Variants in LARGE1 observed in about 807,000 individuals in gnomAD.
LARGE1 encodes LARGE xylosyl- and glucuronyltransferase 1, also known as xylosyl- and glucuronyltransferase LARGE1.
In LARGE1, 43 loss-of-function variants were observed where a neutral mutation model predicts 87.6. The ratio of observed to expected loss-of-function variants is 0.49; its 90% confidence interval spans 0.38 to 0.63. The LOEUF is 0.63. LARGE1 is among the 30% of genes least tolerant of loss of function. The probability of loss-of-function intolerance (pLI) is 0.00; values close to 1 mark genes in which losing one functional copy is unlikely to be tolerated. For missense variants in LARGE1, 802 were observed against 1,000.2 expected, an observed-to-expected ratio of 0.80 and a Z score of 2.67; for synonymous variants, 434 against 394.6, an observed-to-expected ratio of 1.10 and a Z score of -1.18.
At chr22:33,356,683 T>C (rs1195831118) in intron 9 of LARGE1, among the ~76,000 whole-genome samples, 1 of 152,014 alleles carries the variant, frequency 6.6e-6, no homozygotes, top group Non-Finnish European at 1.5e-5. Context: ...GGCAGGAGAA[T>C]TGCTTGAACC....
intron 12 of LARGE1, 52 bp from the exon 13 acceptor site, chr22:33,283,400 G>C: frequency 6.2e-7 from 1 of 1,606,810 alleles, no homozygotes; most frequent in Non-Finnish European, 8.5e-7. Context: ...ACCAGGCCAA[G>C]GTCTTTCCCC....
rs137908695 is a variant in LARGE1, at chr22:33,754,051, G to T, written c.106+7320C>A. Among the ~76,000 whole-genome samples the T allele has an allele frequency of 5.9e-3, 903 of 152,138 alleles. 9 individuals carry two copies. Among genetic ancestry groups the T allele is most frequent in the African/African-American group, 0.02 (824 of 41,516 alleles). ...CACTCCATCCTGGGCAATAGAGCAA[G>T]ACTCCATCTTAAAAAAAAGTAAAAG... On this transcript the variant is annotated intron_variant, in intron 2 of 14. Coordinates refer to ENST00000397394, the MANE Select transcript of LARGE1 (RefSeq NM_133642.5).
chr22:33,450,175 G>A (rs1729180112), intron 6 of LARGE1, among the ~76,000 whole-genome samples: 1 of 151,888 alleles, frequency 6.6e-6, no homozygotes, highest in African/African-American at 2.4e-5. Flanking sequence ...ACCTCCCAAA[G>A]TGCTGGGATT....
chr22:33,096,947 T>C, the LARGE1 span, among the ~76,000 whole-genome samples: 14 of 152,352 alleles, frequency 9.2e-5, no homozygotes, highest in African/African-American at 3.4e-4. Context: ...CTGCAGAGGA[T>C]TGGCTGTAGT....
intron 11 of LARGE1, among the ~76,000 whole-genome samples, chr22:33,182,343 T>C (rs1160406682): frequency 1.3e-5 from 2 of 152,194 alleles, no homozygotes; most frequent in Non-Finnish European, 2.9e-5. Flanking sequence ...TCAAAACTTT[T>C]TGCTCTTTTA....
At chr22:33,458,799 G>C (rs930657976) in intron 6 of LARGE1, among the ~76,000 whole-genome samples, 7 of 152,224 alleles carry the variant, frequency 4.6e-5, no homozygotes, top group East Asian at 3.9e-4. Flanking sequence ...CATAAGTCTG[G>C]TCTTGACTTG....
At chr22:33,232,042 A>G (rs1299295853) in intron 11 of LARGE1, among the ~76,000 whole-genome samples, 1 of 152,198 alleles carries the variant, frequency 6.6e-6, no homozygotes. Context: ...CTTGCTAACC[A>G]TTCACAGCCA....
intron 11 of LARGE1, among the ~76,000 whole-genome samples, chr22:33,262,983 T>C (rs1165345129): frequency 6.6e-6 from 1 of 151,562 alleles, no homozygotes; most frequent in East Asian, 2.0e-4. Context: ...ACCTCCATCT[T>C]GGGGGTTCAA....
chr22:33,086,073 C>T, the LARGE1 span, among the ~76,000 whole-genome samples: 4 of 152,036 alleles, frequency 2.6e-5, no homozygotes, highest in Non-Finnish European at 4.4e-5. Context: ...GCACATGAGG[C>T]CTTTCACAGA....
intron 9 of LARGE1, among the ~76,000 whole-genome samples, chr22:33,359,939 T>C (rs2064323341): frequency 6.7e-6 from 1 of 149,550 alleles, no homozygotes; most frequent in African/African-American, 2.5e-5. Context: ...TCCTTGTCTA[T>C]AAGGAACATC....
intron 1 of LARGE1, among the ~76,000 whole-genome samples, chr22:33,784,567 T>C (rs73170587): frequency 0.022 from 3,273 of 152,222 alleles, 59 homozygotes; most frequent in Middle Eastern, 0.048. Flanking sequence ...TTTAAACCAG[T>C]TCAGAGTTTA....
At chr22:33,241,656 A>G (rs540842510) in intron 11 of LARGE1, among the ~76,000 whole-genome samples, 1 of 151,890 alleles carries the variant, frequency 6.6e-6, no homozygotes, top group South Asian at 2.1e-4. Flanking sequence ...GTGTGTGTAT[A>G]TGTGTGTGTG....
In LARGE1 at chr22:33,523,661, T is replaced by C. The variant is rs576418012; in HGVS notation, c.787+41187A>G. ...GCTTAATGCTATGCCATTATCTGCA[T>C]TGTCCATCATATCATTTCTTTTTTT... On this transcript the variant is annotated intron_variant, in intron 6 of 14. Coordinates refer to ENST00000397394, the MANE Select transcript of LARGE1 (RefSeq NM_133642.5). Among the ~76,000 whole-genome samples the C allele has an allele frequency of 3.4e-5, 5 of 148,806 alleles. No homozygotes were observed. In the East Asian group the frequency reaches 5.9e-4, roughly 18 times the overall value.
At position 33,714,643 on chromosome 22, in the gene LARGE1, A is replaced by G. The variant is rs76378212; in HGVS notation, c.106+46728T>C. On this transcript the variant is annotated intron_variant, in intron 2 of 14. Coordinates refer to ENST00000397394, the MANE Select transcript of LARGE1 (RefSeq NM_133642.5). ...AGGATAATCTTCACTGCTCAGGTAA[A>G]ACTGACTGTGGCATGGTCCTATGTT... is the stretch of plus-strand genomic sequence containing the variant. 5.3e-3 allele frequency among the ~76,000 whole-genome samples: 806 copies of G among 152,314 alleles called. 5 individuals carry two copies. Among genetic ancestry groups the G allele is most frequent in the African/African-American group, 0.018 (748 of 41,580 alleles).
At chr22:33,767,901 T>C (rs1358038590) in intron 1 of LARGE1, among the ~76,000 whole-genome samples, 2 of 152,246 alleles carry the variant, frequency 1.3e-5, no homozygotes, top group African/African-American at 4.8e-5. Context: ...ACTAGAAGAT[T>C]GCCTGAATCC....
At chr22:33,117,933 G>A in the LARGE1 span, among the ~76,000 whole-genome samples, 2 of 152,158 alleles carry the variant, frequency 1.3e-5, no homozygotes, top group Admixed American at 1.3e-4. Context: ...GCCCATGTCA[G>A]CCTGGAAAAA....
intron 2 of LARGE1, among the ~76,000 whole-genome samples, chr22:33,662,705 G>A (rs563069827): frequency 4.4e-4 from 67 of 152,176 alleles, no homozygotes; most frequent in African/African-American, 1.5e-3. Context: ...GGCATGAGTA[G>A]CTGCCATCCA....
At chr22:33,785,189 A>C (rs1443733310) in intron 1 of LARGE1, among the ~76,000 whole-genome samples, 3 of 148,884 alleles carry the variant, frequency 2.0e-5, no homozygotes, top group Admixed American at 6.7e-5. Context: ...GTGTATATAC[A>C]TATATGTGTA....
At chr22:33,279,139 G>A (rs1929948815) in intron 13 of LARGE1, among the ~76,000 whole-genome samples, 1 of 152,190 alleles carries the variant, frequency 6.6e-6, no homozygotes, top group Non-Finnish European at 1.5e-5. Flanking sequence ...AGGCACCTGA[G>A]ACAGGTCCAT....
Sources: allele counts gnomAD v4.1 joint callset (sites outside exome capture counted in the v4.1 genomes callset), GRCh38; gene constraint gnomAD v4.1.1; transcripts MANE v1.5; gene names NCBI Gene and HGNC (gene_info 2026-07-23, HGNC 2026-07-21).